NLRP1: variants seen among roughly 807,000 people sequenced by gnomAD.
The protein encoded by NLRP1 is NACHT, LRR and PYD domains-containing protein 1.
NLRP1 carries 94 observed loss-of-function variants against 136.7 expected under a neutral mutation model. That is an observed-to-expected ratio of 0.69 (90% CI 0.58 to 0.82). NLRP1 has a LOEUF of 0.82. Among genes scored for constraint, NLRP1 ranks in the 40% least tolerant of loss-of-function variants. The pLI, the probability that NLRP1 is intolerant of heterozygous loss-of-function variation, is 0.00. For missense variants in NLRP1, 1,575 were observed against 1,802.7 expected, an observed-to-expected ratio of 0.87 and a Z score of 2.29; for synonymous variants, 690 against 725.1, an observed-to-expected ratio of 0.95 and a Z score of 0.78.
intron 15 of NLRP1, among the ~76,000 whole-genome samples, chr17:5,507,306 T>C (rs1597386173): frequency 6.6e-6 from 1 of 152,278 alleles, no homozygotes; most frequent in Admixed American, 6.5e-5. Context: ...CAAACTGTCT[T>C]CAAATAAATT....
downstream of NLRP1, among the ~76,000 whole-genome samples, chr17:5,513,260 T>A (rs1026361258): frequency 1.3e-5 from 2 of 152,190 alleles, no homozygotes; most frequent in Non-Finnish European, 2.9e-5. Context: ...TCTTATTTTT[T>A]TCTTTCTTAT....
At chr17:5,501,840 A>T (rs1324011776) in exon 16 of NLRP1, 3 of 1,613,804 alleles carry the variant, frequency 1.9e-6, no homozygotes, top group Non-Finnish European at 2.5e-6. Context: ...TCTCTGTTGC[A>T]CCTGAGGTTC....
At chr17:5,554,161 C>T (rs1034557107) in intron 4 of NLRP1, among the ~76,000 whole-genome samples, 3 of 152,154 alleles carry the variant, frequency 2.0e-5, no homozygotes, top group East Asian at 1.9e-4. Flanking sequence ...CACATGGGAC[C>T]CTATCCCCTT....
At chr17:5,566,099 G>A (rs1270593331) in intron 3 of NLRP1, among the ~76,000 whole-genome samples, 3 of 151,546 alleles carry the variant, frequency 2.0e-5, no homozygotes, top group Admixed American at 6.6e-5. Context: ...AAGGTTTGTC[G>A]ATTTTAACTT....
Position 5,581,887 on chromosome 17 carries a change from C to T in NLRP1, c.624G>A (p.Leu208=), listed in dbSNP as rs201184668. The T allele has an allele frequency of 4.0e-5, 64 of 1,612,912 alleles. No individual in the cohort carries two copies. The East Asian group carries it at 1.2e-3, about 30-fold the overall frequency. ...EQEAPGTQWP[L]DETSGIYYTE... Reference sequence around the variant, plus strand: ...TGTAGTAAATTCCTGACGTTTCATCCAGAGGCCATTGGGTCCCAGGAGCCT... The same window carrying T: ...TGTAGTAAATTCCTGACGTTTCATCTAGAGGCCATTGGGTCCCAGGAGCCT... The change falls in exon 3 of 17, where the codon CTG becomes CTA. Residue 208 remains leucine (L), a synonymous_variant. Coordinates refer to ENST00000572272, the MANE Select transcript of NLRP1 (RefSeq NM_033004.4).
intron 15 of NLRP1, among the ~76,000 whole-genome samples, chr17:5,516,826 C>T (rs932913452): frequency 1.3e-5 from 2 of 152,302 alleles, no homozygotes; most frequent in East Asian, 1.9e-4. Flanking sequence ...ATCCTCTTTC[C>T]ACTACACTGT....
intron 12 of NLRP1, among the ~76,000 whole-genome samples, chr17:5,523,250 C>A (rs1909118806): frequency 6.6e-6 from 1 of 152,076 alleles, no homozygotes; most frequent in Admixed American, 6.5e-5. Flanking sequence ...TGTGCTGCTG[C>A]ATTCTAGCCT....
downstream of NLRP1, among the ~76,000 whole-genome samples, chr17:5,513,754 G>A (rs1006300789): frequency 1.3e-5 from 2 of 152,162 alleles, no homozygotes; most frequent in East Asian, 1.9e-4. Context: ...AAGATAGGAG[G>A]TTGGCAGGAC....
At chr17:5,555,888 T>C (rs1417607462) in intron 4 of NLRP1, among the ~76,000 whole-genome samples, 1 of 147,848 alleles carries the variant, frequency 6.8e-6, no homozygotes, top group Non-Finnish European at 1.5e-5. Flanking sequence ...AGGTCAGGAG[T>C]TCAAGACCAA....
At chr17:5,579,107 G>A (rs1905305939) in intron 3 of NLRP1, among the ~76,000 whole-genome samples, 1 of 152,074 alleles carries the variant, frequency 6.6e-6, no homozygotes, top group Admixed American at 6.5e-5. Context: ...ACCAGGGCCT[G>A]TCGTGGGGTT....
At chr17:5,552,653 A>G (rs922471281) in intron 5 of NLRP1, among the ~76,000 whole-genome samples, 24 of 152,128 alleles carry the variant, frequency 1.6e-4, no homozygotes, top group African/African-American at 5.3e-4. Flanking sequence ...TCAATCCATT[A>G]CTGAGCCCAG....
chr17:5,505,285 G>A (rs1392178307), intron 15 of NLRP1: 2 of 152,392 alleles, frequency 1.3e-5, no homozygotes, highest in African/African-American at 4.8e-5. Flanking sequence ...GAGGCTTCTG[G>A]GAGCTCACAT....
At chr17:5,545,369 C>T (rs542267352) in intron 5 of NLRP1, among the ~76,000 whole-genome samples, 19 of 146,530 alleles carry the variant, frequency 1.3e-4, no homozygotes, top group African/African-American at 4.4e-4. Flanking sequence ...GACACCCACA[C>T]AGACACAGAC....
At chr17:5,572,470 C>G (rs975409112) in intron 3 of NLRP1, among the ~76,000 whole-genome samples, 2 of 152,062 alleles carry the variant, frequency 1.3e-5, no homozygotes, top group African/African-American at 4.8e-5. Flanking sequence ...GTAATCCTAC[C>G]ACTTTGGGGA....
intron 5 of NLRP1, among the ~76,000 whole-genome samples, chr17:5,545,349 C>G (rs796906203): frequency 0.049 from 7,097 of 146,168 alleles, 189 homozygotes; most frequent in Middle Eastern, 0.086. Context: ...CACACACACA[C>G]ACACACACAG....
At chr17:5,569,462 C>T (rs8072160) in intron 3 of NLRP1, among the ~76,000 whole-genome samples, 25,809 of 152,010 alleles carry the variant, frequency 0.17, 3,444 homozygotes, top group East Asian at 0.67. Flanking sequence ...AACAAAAGCA[C>T]GGATTGCCAT....
intron 5 of NLRP1, among the ~76,000 whole-genome samples, chr17:5,548,841 T>TAG (rs1912992804): frequency 1.3e-5 from 2 of 152,298 alleles, no homozygotes; most frequent in South Asian, 4.1e-4. Context: ...GTCCCTTTCA[T>TAG]CTATGTGGCC....
Position 5,532,937 on chromosome 17 carries a change from A to G in NLRP1, c.3181T>C (p.Ser1061Pro). Residue 1061 changes from serine (S) to proline (P), a missense_variant, in exon 11 of 17, where the codon TCT (serine) becomes CCT (proline). Transcript: ENST00000572272. ...VVPVELLCVP[S>P]PASQGDLHTK... Reference sequence around the variant, plus strand: ...TGCAGGTCCCCTTGAGAGGCAGGAGAAGGCACGCACAAGAGTTCCACCGGT... The same window carrying G: ...TGCAGGTCCCCTTGAGAGGCAGGAGGAGGCACGCACAAGAGTTCCACCGGT... The G allele has an allele frequency of 6.2e-7, 1 of 1,613,910 alleles. No homozygotes were observed. The highest frequency in any genetic ancestry group is 8.5e-7 in the Non-Finnish European group (1 of 1,179,900).
chr17:5,570,384 AAGAC>A (rs1255843922), intron 3 of NLRP1, among the ~76,000 whole-genome samples: 2 of 152,054 alleles, frequency 1.3e-5, no homozygotes, highest in Non-Finnish European at 2.9e-5. Flanking sequence ...AGAAAAAAAA[AAGAC>A]AGAAGATCCA....
Sources: gnomAD v4.1 joint callset for allele counts (sites outside exome capture counted in the v4.1 genomes callset) on GRCh38, gnomAD v4.1.1 for gene constraint, MANE v1.5 for transcripts, NCBI Gene and HGNC (gene_info 2026-07-23, HGNC 2026-07-21) for gene names.